The following POR variants were observed in gnomAD, a reference collection of about 807,000 sequenced individuals.
POR encodes the protein cytochrome p450 oxidoreductase, also known as NADPH--cytochrome P450 reductase.
A neutral mutation model predicts 84.0 loss-of-function variants in POR; 56 were observed. The observed-to-expected ratio is 0.67, with a 90% CI of 0.54 to 0.83. The LOEUF is 0.83. POR is among the 40% of genes least tolerant of loss of function. POR has a pLI of 0.00. For synonymous variants in POR, 414 were observed against 400.5 expected (o/e 1.03, Z -0.40); for missense variants, 938 against 944.3 (o/e 0.99, Z 0.09).
intron 7 of POR, 179 bp from the exon 8 acceptor site, chr7:75,982,045 T>G: frequency 1.6e-6 from 1 of 619,460 alleles, no homozygotes; most frequent in Non-Finnish European, 2.9e-6. Context: ...GCCGCCTCCC[T>G]CCTTGCTCCC....
chr7:75,984,838 C>T lies in POR; in HGVS notation c.1128C>T (p.Tyr376=). ...CGTCCTACCGCACGGCCCTCACCTA[C>T]TACCTGGACATCACCAACCCGCCGC... The change falls in exon 11 of 16, where the codon TAC becomes TAT. Residue 376 remains tyrosine, a synonymous_variant. Transcript: ENST00000461988. 4 of 1,612,658 alleles carry T rather than the reference C, an allele frequency of 2.5e-6. No homozygotes were observed. Among genetic ancestry groups the T allele is most frequent in the South Asian group, 2.2e-5 (2 of 91,092 alleles).
At chr7:75,952,727 G>A (rs1787499564) in intron 1 of POR, among the ~76,000 whole-genome samples, 2 of 150,110 alleles carry the variant, frequency 1.3e-5, no homozygotes, top group South Asian at 2.1e-4. Context: ...GACGATGGGC[G>A]GCCAGGCAGA....
chr7:75,959,200 C>T (rs1361898683), intron 2 of POR, among the ~76,000 whole-genome samples: 4 of 152,164 alleles, frequency 2.6e-5, no homozygotes, highest in Non-Finnish European at 5.9e-5. Flanking sequence ...TAGCAAGGCC[C>T]TGTCTCTATA....
In POR at chr7:75,980,431, G is replaced by A. The variant is rs782595350; in HGVS notation, c.459G>A (p.Gln153=). 7 of 1,613,322 alleles carry A rather than the reference G, an allele frequency of 4.3e-6. No individual in the cohort carries two copies. In the South Asian group the frequency reaches 7.7e-5, roughly 18 times the overall value. ...AGGGAGACCCCACCGACAATGCCCA[G>A]GACTTCTACGACTGGCTGCAGGAGA... The change falls in exon 5 of 16, where the codon CAG becomes CAA. Residue 153 remains glutamine (Q), a synonymous_variant. Transcript: ENST00000461988.
At chr7:75,970,418 C>T (rs1286920464) in intron 2 of POR, among the ~76,000 whole-genome samples, 3 of 151,848 alleles carry the variant, frequency 2.0e-5, no homozygotes, top group African/African-American at 7.3e-5. Context: ...GATCATCGCC[C>T]ACTGCAGCTT....
chr7:75,980,560 A>T, intron 5 of POR, 72 bp downstream of exon 5: 1 of 1,611,912 alleles, frequency 6.2e-7, no homozygotes. Context: ...AGATCCATGT[A>T]TCTGAAAGGC....
rs180903376 is a variant in POR at position 75,919,046 on chromosome 7, T to C, written c.-5+3867T>C. ...CAGAGTCTCACTCTGTCACCCAGGC[T>C]GGAGTGCAGTGGTGTGATCTTGGCT... On this transcript the variant is annotated intron_variant, in intron 1 of 15. Transcript: ENST00000461988. 1.1e-4 allele frequency among the ~76,000 whole-genome samples: 17 copies of C among 151,548 alleles called. No homozygotes were observed. In the East Asian group the frequency reaches 3.1e-3, roughly 28 times the overall value.
chr7:75,942,458 AT>A (rs576976484), intron 1 of POR, among the ~76,000 whole-genome samples: 54 of 147,954 alleles, frequency 3.6e-4, no homozygotes, highest in East Asian at 7.8e-4. Flanking sequence ...GCATTTATAG[AT>A]TTTTTTTTTT....
At chr7:75,930,987 TA>T (rs1554550089) in intron 1 of POR, among the ~76,000 whole-genome samples, 8 of 152,092 alleles carry the variant, frequency 5.3e-5, no homozygotes. Context: ...CACACCTCAC[TA>T]ATTTTTTAAT....
intron 2 of POR, among the ~76,000 whole-genome samples, chr7:75,956,812 G>T (rs1335651882): frequency 1.3e-5 from 2 of 151,656 alleles, no homozygotes; most frequent in Admixed American, 1.3e-4. Context: ...TGCAACCTCC[G>T]CCTCCCGGGT....
At chr7:75,982,478 G>A (rs1435760230) in intron 8 of POR, among the ~76,000 whole-genome samples, 156 bp downstream of exon 8, 5 of 152,140 alleles carry the variant, frequency 3.3e-5, no homozygotes, top group Non-Finnish European at 2.9e-5. Context: ...TCCACGGCCC[G>A]GCCCCAGGAG....
chr7:75,942,770 T>C (rs1786985237), intron 1 of POR, among the ~76,000 whole-genome samples: 1 of 151,904 alleles, frequency 6.6e-6, no homozygotes, highest in African/African-American at 2.4e-5. Context: ...TTGTGATTCA[T>C]ACAATGTTAA....
rs58236447 is a variant in POR at position 75,934,122 on chromosome 7, A to AGTGTGTGT, written c.-5+18986_-5+18993dup. Among the ~76,000 whole-genome samples the AGTGTGTGT allele has an allele frequency of 3.0e-3, 380 of 126,846 alleles. 3 individuals are homozygous for AGTGTGTGT. Among genetic ancestry groups the AGTGTGTGT allele is most frequent in the South Asian group, 0.014 (48 of 3,418 alleles). 83.2% of individuals were successfully genotyped at this position (126,846 alleles called of 152,430 possible). ...TTTTTTTCCTGGTCCAAGACCTCAG[A>AGTGTGTGT]GTGTGTGTGTGTGTGTGTGTGTGTG... On this transcript the variant is annotated intron_variant, in intron 1 of 15. Coordinates refer to ENST00000461988, the MANE Select transcript of POR (RefSeq NM_000941.3).
Position 75,915,186 on chromosome 7 carries a change from G to A in POR, c.-5+7G>A, listed in dbSNP as rs1554547895. 6.5e-6 allele frequency: 1 copy of A among 154,616 alleles called. No individual in the cohort carries two copies. The highest frequency in any genetic ancestry group is 2.4e-5 in the African/African-American group (1 of 41,646). The allele number at this position is 154,616 out of a possible 1,614,324, so 9.6% of individuals were successfully genotyped here. A position where few individuals can be genotyped will look rare whatever the true frequency, so the allele number is the denominator to read the frequency against. On this transcript the variant is annotated splice_region_variant and intron_variant, in intron 1 of 15. Transcript: ENST00000461988. ...AGCAGCCGGGCTGCCAGCGGTGAGT[G>A]CTATCTTTCGCGGCGACGGCGGGGT...
At chr7:75,921,911 T>C (rs563660076) in intron 1 of POR, among the ~76,000 whole-genome samples, 3 of 152,244 alleles carry the variant, frequency 2.0e-5, no homozygotes, top group African/African-American at 7.2e-5. Context: ...TTCACCATGT[T>C]GGCCAGGCCA....
Position 75,986,001 on chromosome 7 carries a change from C to A in POR, c.1748C>A (p.Ala583Glu). Residue 583 changes from alanine to glutamate, a missense_variant, in exon 14 of 16, where the codon GCG (alanine) becomes GAG (glutamate). By Grantham distance (107) the Ala-to-Glu change is moderately radical. Coordinates refer to ENST00000461988, the MANE Select transcript of POR (RefSeq NM_000941.3). ...GACTACCTGTACCGGGAGGAGCTGG[C>A]GCAGTTCCACAGGGACGGTGCGCTC... is the stretch of plus-strand genomic sequence containing the variant. 1 of 1,571,104 alleles carries A rather than the reference C, an allele frequency of 6.4e-7. No individual in the cohort carries two copies. The highest frequency in any genetic ancestry group is 2.4e-5 in the East Asian group (1 of 42,462).
intron 2 of POR, among the ~76,000 whole-genome samples, chr7:75,961,274 TAA>T (rs34683650): frequency 0.021 from 2,946 of 141,274 alleles, 66 homozygotes; most frequent in African/African-American, 0.06. Flanking sequence ...ACAGCTTCTT[TAA>T]AAAAAAAAAA....
At chr7:75,971,205 C>T (rs1788424831) in intron 2 of POR, 1 of 151,940 alleles carries the variant, frequency 6.6e-6, no homozygotes, top group African/African-American at 2.4e-5. Flanking sequence ...AAGTGATCCT[C>T]CCGCCTCAAC....
At chr7:75,935,572 G>T (rs1554550703) in intron 1 of POR, among the ~76,000 whole-genome samples, 2 of 149,934 alleles carry the variant, frequency 1.3e-5, no homozygotes, top group African/African-American at 2.5e-5. Flanking sequence ...TAATTGAGAG[G>T]GTTGGTACTT....
Sources: allele counts gnomAD v4.1 joint callset (sites outside exome capture counted in the v4.1 genomes callset), GRCh38; gene constraint gnomAD v4.1.1; transcripts MANE v1.5; gene names NCBI Gene and HGNC (gene_info 2026-07-23, HGNC 2026-07-21).